The following TRAK1 variants were observed in gnomAD, a reference collection of about 807,000 sequenced individuals.
TRAK1 encodes the protein trafficking kinesin-binding protein 1.
Under a neutral mutation model 92.1 loss-of-function variants are expected in TRAK1, and 33 were observed. The ratio of observed to expected loss-of-function variants is 0.36; its 90% CI spans 0.27 to 0.48. TRAK1 has a LOEUF of 0.48. Ranked by LOEUF, TRAK1 falls within the 20% of genes least tolerant of loss-of-function variation. The probability of loss-of-function intolerance (pLI) is 0.99; values close to 1 mark genes in which losing one functional copy is unlikely to be tolerated. For missense variants in TRAK1, 1,123 were observed against 1,257.9 expected (o/e 0.89, Z 1.62); for synonymous variants, 521 against 517.3 (o/e 1.01, Z -0.10).
intron 1 of TRAK1, among the ~76,000 whole-genome samples, chr3:42,028,834 G>A (rs1175184012): frequency 1.3e-5 from 2 of 152,168 alleles, no homozygotes; most frequent in Non-Finnish European, 2.9e-5. Flanking sequence ...AAGCTGCAGG[G>A]GAGTGACAAG....
chr3:42,063,333 T>A (rs927873560), intron 1 of TRAK1, among the ~76,000 whole-genome samples: 6 of 152,244 alleles, frequency 3.9e-5, no homozygotes, highest in African/African-American at 1.4e-4. Flanking sequence ...TGTCTGTCAG[T>A]ACATTCCCCA....
chr3:42,219,304 T>C (rs1710071822), intron 14 of TRAK1, 190 bp from the exon 15 acceptor site: 1 of 985,006 alleles, frequency 1.0e-6, no homozygotes, highest in South Asian at 4.7e-5. Context: ...TGCAGACCAG[T>C]GCTCAAAATT....
At chr3:42,068,181 G>A (rs1703763697) in intron 1 of TRAK1, among the ~76,000 whole-genome samples, 1 of 151,912 alleles carries the variant, frequency 6.6e-6, no homozygotes, top group Admixed American at 6.6e-5. Context: ...GAAGAAACAG[G>A]ATCTTACTCT....
intron 13 of TRAK1, among the ~76,000 whole-genome samples, chr3:42,206,545 C>T (rs575639184): frequency 3.3e-5 from 5 of 152,276 alleles, no homozygotes; most frequent in African/African-American, 1.2e-4. Flanking sequence ...TTTCCCTTCC[C>T]GTACTCAAGT....
intron 1 of TRAK1, among the ~76,000 whole-genome samples, chr3:42,045,903 CAG>C (rs2148907520): frequency 6.6e-6 from 1 of 152,340 alleles, no homozygotes; most frequent in African/African-American, 2.4e-5. Flanking sequence ...GTGCTTTATT[CAG>C]AGTTACTGAG....
In TRAK1 at chr3:42,223,800, C is replaced by T. The variant is rs1710589247; in HGVS notation, c.*63C>T. On this transcript the variant is annotated 3_prime_UTR_variant, in exon 16 of 16. Coordinates refer to ENST00000327628, the MANE Select transcript of TRAK1 (RefSeq NM_001042646.3). This position sits in a 1 kb window ranked among gnomAD's most constrained non-coding sequence, Gnocchi z 6.1. Reference sequence around the variant, plus strand: ...CGTTCTCCTCTCTTGCTCCCACCTCCCTCTCTTCCCCCCACAGTGCACTCC... The same window carrying T: ...CGTTCTCCTCTCTTGCTCCCACCTCTCTCTCTTCCCCCCACAGTGCACTCC... The T allele has an allele frequency of 6.5e-7, 1 of 1,528,514 alleles. No homozygotes were observed. Among genetic ancestry groups the T allele is most frequent in the Non-Finnish European group, 8.9e-7 (1 of 1,125,158 alleles). 94.7% of individuals were successfully genotyped at this position (1,528,514 alleles called of 1,614,324 possible).
At chr3:42,032,872 TG>T (rs527907932) in intron 1 of TRAK1, among the ~76,000 whole-genome samples, 108 of 152,280 alleles carry the variant, frequency 7.1e-4, no homozygotes, top group Non-Finnish European at 7.5e-4. Flanking sequence ...TGGTGAGCCA[TG>T]ATTGCGCCAC....
chr3:42,204,041 T>C, intron 13 of TRAK1: 1 of 984,932 alleles, frequency 1.0e-6, no homozygotes, highest in Non-Finnish European at 1.2e-6. Flanking sequence ...ATTATTATTT[T>C]AAAATTGTAT....
At chr3:42,042,121 T>A (rs1702567270) in intron 1 of TRAK1, among the ~76,000 whole-genome samples, 1 of 152,158 alleles carries the variant, frequency 6.6e-6, no homozygotes, top group South Asian at 2.1e-4. Context: ...GTGACGGGGT[T>A]TCGCCATGTT....
chr3:42,106,091 C>T (rs1182661279), intron 1 of TRAK1, among the ~76,000 whole-genome samples: 1 of 152,196 alleles, frequency 6.6e-6, no homozygotes, highest in Non-Finnish European at 1.5e-5. Context: ...ACCATCAATG[C>T]TAGGAAGAAA....
intron 1 of TRAK1, among the ~76,000 whole-genome samples, chr3:42,032,448 T>G (rs1702180644): frequency 6.7e-6 from 1 of 150,360 alleles, no homozygotes; most frequent in East Asian, 1.9e-4. Flanking sequence ...GCCCCAAGAT[T>G]TTGCTCAAAT....
intron 1 of TRAK1, among the ~76,000 whole-genome samples, chr3:42,060,644 T>TTTTTTG (rs1703392677): frequency 7.0e-6 from 1 of 141,980 alleles, no homozygotes; most frequent in Non-Finnish European, 1.6e-5. Context: ...TTTTTTTTTT[T>TTTTTTG]GAGACGGAGT....
chr3:42,060,195 A>G (rs1054276511), intron 1 of TRAK1, among the ~76,000 whole-genome samples: 1 of 152,148 alleles, frequency 6.6e-6, no homozygotes, highest in African/African-American at 2.4e-5. Context: ...TTTGGGAGAG[A>G]GGGGAAATAA....
At chr3:42,125,325 A>C (rs1576484255) in intron 1 of TRAK1, 95 bp from the exon 2 acceptor site, 4 of 1,117,228 alleles carry the variant, frequency 3.6e-6, no homozygotes, top group South Asian at 3.2e-5. Flanking sequence ...TAGATAAATA[A>C]CCGAAGATAC....
intron 12 of TRAK1, among the ~76,000 whole-genome samples, chr3:42,201,922 A>ACACACC (rs1240814443): frequency 6.6e-6 from 1 of 150,520 alleles, no homozygotes; most frequent in African/African-American, 2.5e-5. Context: ...ACACACACAC[A>ACACACC]CACACACACC....
chr3:42,094,843 G>A (rs1051902956), intron 1 of TRAK1, among the ~76,000 whole-genome samples: 2 of 152,192 alleles, frequency 1.3e-5, no homozygotes, highest in Admixed American at 1.3e-4. Flanking sequence ...TTGGCAAGCT[G>A]GAGGCCTGGG....
At chr3:42,129,350 G>A (rs995768059) in intron 2 of TRAK1, among the ~76,000 whole-genome samples, 6 of 152,134 alleles carry the variant, frequency 3.9e-5, no homozygotes, top group African/African-American at 7.2e-5. Flanking sequence ...GCTCCCCTAC[G>A]TGAGAAATCC....
chr3:42,045,090 GTGCATTACT>G (rs1702701071), intron 1 of TRAK1, among the ~76,000 whole-genome samples: 1 of 152,144 alleles, frequency 6.6e-6, no homozygotes, highest in Admixed American at 6.5e-5. Flanking sequence ...GCATTTCATA[GTGCATTACT>G]TCTCTACAAA....
At chr3:42,185,531 G>A (rs909344715) in intron 4 of TRAK1, among the ~76,000 whole-genome samples, 1 of 152,158 alleles carries the variant, frequency 6.6e-6, no homozygotes, top group Non-Finnish European at 1.5e-5. Context: ...TGTGGAGTCA[G>A]ATGGGGTTGC....
Sources: allele counts gnomAD v4.1 joint callset (sites outside exome capture counted in the v4.1 genomes callset), GRCh38; gene constraint gnomAD v4.1.1; non-coding constraint Gnocchi (gnomAD v3.1); transcripts MANE v1.5; gene names NCBI Gene and HGNC (gene_info 2026-07-23, HGNC 2026-07-21).